Variants in TSGA10 observed in about 807,000 individuals in gnomAD.
The protein encoded by TSGA10 is testis-specific gene 10 protein.
Under a neutral mutation model 96.6 loss-of-function variants are expected in TSGA10, and 43 were observed. The observed-to-expected ratio is 0.44, with a 90% CI of 0.35 to 0.57. TSGA10 has a LOEUF of 0.57. TSGA10 is among the 20% of genes least tolerant of loss of function. TSGA10 has a pLI of 0.01. For missense variants in TSGA10, 703 were observed against 834.4 expected (o/e 0.84, Z 1.94); for synonymous variants, 229 against 269.9 (o/e 0.85, Z 1.48).
At chr2:99,053,144 G>C (rs906339130) in intron 16 of TSGA10, among the ~76,000 whole-genome samples, 15 of 151,880 alleles carry the variant, frequency 9.9e-5, no homozygotes, top group Non-Finnish European at 1.9e-4. Context: ...CTCAAGACCA[G>C]ATGGCTTCAT....
chr2:99,078,560 T>G (rs913280231), intron 12 of TSGA10, 99 bp downstream of exon 12: 1 of 1,225,384 alleles, frequency 8.2e-7, no homozygotes, highest in African/African-American at 1.5e-5. Context: ...TTTGAGAAAA[T>G]TCAAATATTT....
intron 20 of TSGA10, 43 bp from the exon 21 acceptor site, chr2:98,998,264 C>T (rs2077606736): frequency 1.3e-6 from 2 of 1,526,260 alleles, no homozygotes; most frequent in Admixed American, 3.9e-5. Context: ...TTTAATTCAA[C>T]TTTTTCAACA....
rs35395900 is a variant in TSGA10 at position 99,149,442 on chromosome 2, C to CTT, written c.-621+5249_-621+5250dup. On this transcript the variant is annotated intron_variant, in intron 1 of 20. Coordinates refer to ENST00000393483, the MANE Select transcript of TSGA10 (RefSeq NM_025244.4). ...GCCTCCCTCCATGCTACATGATCAT[C>CTT]TTTTTTTTTTTTTTTTTTAAGACGG... Among the ~76,000 whole-genome samples the CTT allele has an allele frequency of 1.7e-3, 224 of 132,790 alleles. 2 individuals carry two copies. Among genetic ancestry groups the CTT allele is most frequent in the Middle Eastern group, 8.3e-3 (2 of 242 alleles). The allele number at this position is 132,790 out of a possible 152,430, so 87.1% of individuals were successfully genotyped here. A position where few individuals can be genotyped will look rare whatever the true frequency, so the allele number is the denominator to read the frequency against.
intron 17 of TSGA10, among the ~76,000 whole-genome samples, chr2:99,031,533 G>A (rs2081132759): frequency 6.6e-6 from 1 of 152,024 alleles, no homozygotes; most frequent in African/African-American, 2.4e-5. Context: ...CTTTTTAATT[G>A]AGAAAGACCC....
intron 1 of TSGA10, among the ~76,000 whole-genome samples, chr2:99,135,784 G>A (rs935558970): frequency 7.9e-5 from 12 of 152,226 alleles, no homozygotes; most frequent in African/African-American, 2.6e-4. Flanking sequence ...TGAGGCGGGC[G>A]GATCACCTGA....
intron 16 of TSGA10, among the ~76,000 whole-genome samples, chr2:99,061,251 T>TA (rs139898148): frequency 0.012 from 1,854 of 152,280 alleles, 40 homozygotes; most frequent in African/African-American, 0.042. Context: ...CAAAAGAAGA[T>TA]AGACTCATGA....
intron 10 of TSGA10, among the ~76,000 whole-genome samples, chr2:99,096,396 T>A (rs1049900084): frequency 6.6e-6 from 1 of 152,262 alleles, no homozygotes; most frequent in Non-Finnish European, 1.5e-5. Context: ...GTTCTTTTAA[T>A]GTGATGGCTT....
chr2:99,037,484 T>C (rs761669113), intron 16 of TSGA10, among the ~76,000 whole-genome samples: 2 of 152,206 alleles, frequency 1.3e-5, no homozygotes, highest in Non-Finnish European at 2.9e-5. Context: ...ATTTGTGGCA[T>C]GTAGTTAAAG....
Position 99,044,351 on chromosome 2 carries a change from C to CAAAA in TSGA10, c.1405-8916_1405-8913dup, listed in dbSNP as rs57316203. On this transcript the variant is annotated intron_variant, in intron 16 of 20. Transcript: ENST00000393483. ...GAATATTTACCAAGCAAATGGAAAG[C>CAAAA]AAAAAAAAAAAAAAAAATCAGGAGT... is the stretch of plus-strand genomic sequence containing the variant. Among the ~76,000 whole-genome samples the CAAAA allele has an allele frequency of 3.4e-3, 333 of 98,548 alleles. 5 individuals are homozygous for CAAAA. Among genetic ancestry groups the CAAAA allele is most frequent in the African/African-American group, 0.01 (320 of 30,826 alleles). 64.7% of individuals were successfully genotyped at this position (98,548 alleles called of 152,430 possible).
At chr2:99,008,052 T>C (rs1373938592) in intron 20 of TSGA10, among the ~76,000 whole-genome samples, 5 of 152,084 alleles carry the variant, frequency 3.3e-5, no homozygotes, top group Admixed American at 6.6e-5. Flanking sequence ...ATACATAAAA[T>C]AAACTCCAAA....
At chr2:99,080,474 A>T (rs2087322923) in intron 11 of TSGA10, among the ~76,000 whole-genome samples, 1 of 152,170 alleles carries the variant, frequency 6.6e-6, no homozygotes, top group Non-Finnish European at 1.5e-5. Flanking sequence ...TATCATTTAT[A>T]TGCTGATGTG....
chr2:99,062,644 T>G (rs2084825534), intron 16 of TSGA10, among the ~76,000 whole-genome samples: 1 of 152,154 alleles, frequency 6.6e-6, no homozygotes, highest in South Asian at 2.1e-4. Flanking sequence ...CTGAGACAGA[T>G]GGATCACCTG....
Position 99,127,044 on chromosome 2 carries a change from C to A in TSGA10, c.-492+4G>T. Reference sequence around the variant, plus strand: ...CAGGAAAATATGTTGTAACTAAACGCAACCTGTAATTTCAGTGTCGAGATG... The same window carrying A: ...CAGGAAAATATGTTGTAACTAAACGAAACCTGTAATTTCAGTGTCGAGATG... On this transcript the variant is annotated splice_donor_region_variant and intron_variant, in intron 2 of 20. Transcript: ENST00000393483. 7.8e-7 allele frequency: 1 copy of A among 1,287,980 alleles called. No homozygotes were observed. The highest frequency in any genetic ancestry group is 1.0e-6 in the Non-Finnish European group (1 of 988,332). The allele number at this position is 1,287,980 out of a possible 1,614,324, so 79.8% of individuals were successfully genotyped here.
At chr2:99,029,029 A>G (rs962633911) in intron 17 of TSGA10, among the ~76,000 whole-genome samples, 3 of 152,242 alleles carry the variant, frequency 2.0e-5, no homozygotes, top group Non-Finnish European at 4.4e-5. Flanking sequence ...GCAACTATGC[A>G]AAAGAACACA....
chr2:99,016,065 T>C (rs919569532), intron 20 of TSGA10, among the ~76,000 whole-genome samples: 9 of 152,114 alleles, frequency 5.9e-5, no homozygotes, highest in African/African-American at 2.2e-4. Context: ...ATTGTAAAAA[T>C]GACCATACTG....
intron 2 of TSGA10, chr2:99,125,931 T>G (rs1373353356): frequency 6.6e-6 from 1 of 152,240 alleles, no homozygotes; most frequent in Admixed American, 6.5e-5. Context: ...GAAGTTCAGG[T>G]CTCCACCACA....
At chr2:99,138,055 A>C (rs2093397952) in intron 1 of TSGA10, among the ~76,000 whole-genome samples, 1 of 152,182 alleles carries the variant, frequency 6.6e-6, no homozygotes, top group Non-Finnish European at 1.5e-5. Context: ...TAGAATTCCC[A>C]GTCTCCAGAA....
chr2:99,109,700 T>C (rs1295100693), intron 5 of TSGA10, 188 bp from the exon 6 acceptor site: 3 of 328,696 alleles, frequency 9.1e-6, no homozygotes, highest in Non-Finnish European at 1.6e-5. Context: ...TATATATCAG[T>C]AATTTTTAAA....
chr2:99,057,289 A>T (rs1327112803), intron 16 of TSGA10, among the ~76,000 whole-genome samples: 1 of 152,160 alleles, frequency 6.6e-6, no homozygotes, highest in Non-Finnish European at 1.5e-5. Context: ...AACTATCTCT[A>T]TTCACAGATG....
Sources: gnomAD v4.1 joint callset for allele counts (sites outside exome capture counted in the v4.1 genomes callset) on GRCh38, gnomAD v4.1.1 for gene constraint, MANE v1.5 for transcripts, NCBI Gene and HGNC (gene_info 2026-07-23, HGNC 2026-07-21) for gene names.